The following FHIP1A variants were observed in gnomAD, a reference collection of about 807,000 sequenced individuals.
FHIP1A encodes FHF complex subunit HOOK-interacting protein 1A.
In FHIP1A, 61 loss-of-function variants were observed where a neutral mutation model predicts 88.6. That is an observed-to-expected ratio of 0.69 (90% CI 0.56 to 0.85). FHIP1A has a LOEUF of 0.85. FHIP1A is among the 40% of genes least tolerant of loss of function. The pLI is 0.00. For missense variants in FHIP1A, 1,154 were observed against 1,273.5 expected (o/e 0.91, Z 1.43); for synonymous variants, 478 against 496.0 (o/e 0.96, Z 0.48).
At chr4:151,504,468 C>T (rs1175401279) in intron 3 of FHIP1A, among the ~76,000 whole-genome samples, 3 of 152,128 alleles carry the variant, frequency 2.0e-5, no homozygotes, top group South Asian at 2.1e-4. Flanking sequence ...CAGTATATTA[C>T]TCAGGATGTT....
In FHIP1A at chr4:151,431,575, T is replaced by C. The variant is rs79699215; in HGVS notation, c.-356+22110T>C. The stretch of plus-strand genomic sequence containing the variant: ...GTGAGATAGTGCCACTTTGGGAAAT[T>C]ATTTTGCTGTGGCTTCAGGAAGTCT... On this transcript the variant is annotated intron_variant, in intron 1 of 13. Transcript: ENST00000435205. Among the ~76,000 whole-genome samples the C allele has an allele frequency of 2.0e-3, 309 of 152,248 alleles. 8 individuals carry two copies. In the East Asian group the frequency reaches 0.051, roughly 25 times the overall value.
In FHIP1A at chr4:151,586,789, C is replaced by T; in HGVS notation, c.881C>T (p.Ala294Val). 6.5e-7 allele frequency: 1 copy of T among 1,548,486 alleles called. No homozygotes were observed. The highest frequency in any genetic ancestry group is 8.7e-7 in the Non-Finnish European group (1 of 1,144,484). Reference sequence around the variant, plus strand: ...ATGAACTCCCTGGAGTTTTGCAATGCAGTCATACAGGTACCAGAGCACAAT... The same window carrying T: ...ATGAACTCCCTGGAGTTTTGCAATGTAGTCATACAGGTACCAGAGCACAAT... ...QFMNSLEFCN[A>V]VIQVAHPLIR... The change falls in exon 6 of 14, where the codon GCA (alanine) becomes GTA (valine). Residue 294 changes from alanine to valine, a missense_variant. Ala to Val is a moderately conservative substitution (Grantham distance 64). Transcript: ENST00000435205.
At chr4:151,620,556 A>G (rs758173662) in intron 7 of FHIP1A, among the ~76,000 whole-genome samples, 3 of 152,136 alleles carry the variant, frequency 2.0e-5, no homozygotes, top group Non-Finnish European at 2.9e-5. Context: ...AAAATAATAG[A>G]AGTTAGCTGA....
intron 11 of FHIP1A, among the ~76,000 whole-genome samples, chr4:151,655,240 C>T (rs1307788327): frequency 6.6e-6 from 1 of 152,164 alleles, no homozygotes; most frequent in Non-Finnish European, 1.5e-5. Flanking sequence ...AAGGGAAATG[C>T]AAAATTCTCA....
chr4:151,605,679 CATTT>C (rs1735046762), intron 7 of FHIP1A, among the ~76,000 whole-genome samples: 2 of 152,298 alleles, frequency 1.3e-5, no homozygotes, highest in South Asian at 4.1e-4. Context: ...CCGTGGAGCC[CATTT>C]GTTTTACAAG....
At chr4:151,639,888 G>T (rs1736503492) in intron 9 of FHIP1A, among the ~76,000 whole-genome samples, 1 of 152,152 alleles carries the variant, frequency 6.6e-6, no homozygotes, top group Non-Finnish European at 1.5e-5. Context: ...AATAAGGGTG[G>T]GTGGAGCTGA....
chr4:151,526,929 G>A (rs1413444202), intron 3 of FHIP1A, among the ~76,000 whole-genome samples: 1 of 150,262 alleles, frequency 6.7e-6, no homozygotes, highest in Admixed American at 6.6e-5. Context: ...GACAATGGGC[G>A]GCCGGGCAGA....
At chr4:151,415,477 C>T (rs952909550) in intron 1 of FHIP1A, among the ~76,000 whole-genome samples, 7 of 152,008 alleles carry the variant, frequency 4.6e-5, no homozygotes, top group Non-Finnish European at 1.0e-4. Flanking sequence ...CATGCCTGGC[C>T]CTATAACATG....
chr4:151,527,314 G>A (rs1213050857), intron 3 of FHIP1A, among the ~76,000 whole-genome samples: 1 of 152,214 alleles, frequency 6.6e-6, no homozygotes, highest in Non-Finnish European at 1.5e-5. Flanking sequence ...TCGCGGTTAG[G>A]AGCTGGAGAC....
At chr4:151,527,982 G>A (rs1018066485) in intron 3 of FHIP1A, among the ~76,000 whole-genome samples, 2 of 152,178 alleles carry the variant, frequency 1.3e-5, no homozygotes, top group Non-Finnish European at 2.9e-5. Context: ...AATAAAAACC[G>A]TGTAGCTCCA....
intron 1 of FHIP1A, among the ~76,000 whole-genome samples, chr4:151,426,815 C>T (rs1418043353): frequency 6.6e-6 from 1 of 152,094 alleles, no homozygotes; most frequent in Non-Finnish European, 1.5e-5. Flanking sequence ...TGTTATAAGG[C>T]TTAAGATTTT....
At chr4:151,489,206 C>T (rs1730191970) in intron 3 of FHIP1A, among the ~76,000 whole-genome samples, 1 of 152,126 alleles carries the variant, frequency 6.6e-6, no homozygotes, top group African/African-American at 2.4e-5. Context: ...TTTAACCTCA[C>T]CTAGAGCTGA....
chr4:151,649,758 A>G lies in FHIP1A; in HGVS notation c.1717A>G (p.Ser573Gly). The G allele has an allele frequency of 1.3e-6, 2 of 1,551,666 alleles. No homozygotes were observed. The highest frequency in any genetic ancestry group is 1.7e-6 in the Non-Finnish European group (2 of 1,146,962). ...TCAGCTGGCTCCCAGAAAGGACAAG[A>G]GCCAGACAGAGCTGGAATGGGATGA... ...GPQLAPRKDK[S>G]QTELEWDDSY... is the part of the protein sequence containing the mutation. The change falls in exon 11 of 14, where the codon AGC becomes GGC. Residue 573 changes from serine (S) to glycine (G), a missense_variant. Coordinates refer to ENST00000435205, the MANE Select transcript of FHIP1A (RefSeq NM_001109977.3).
intron 3 of FHIP1A, among the ~76,000 whole-genome samples, chr4:151,512,001 C>T (rs1361469352): frequency 1.3e-5 from 2 of 152,212 alleles, no homozygotes; most frequent in Admixed American, 6.5e-5. Flanking sequence ...GGTCCCTGAC[C>T]CCTGACCCCC....
intron 1 of FHIP1A, among the ~76,000 whole-genome samples, chr4:151,442,134 A>G (rs949022030): frequency 2.6e-5 from 4 of 152,152 alleles, no homozygotes; most frequent in Admixed American, 2.6e-4. Flanking sequence ...CACTGCTCAC[A>G]TTTATGCAGA....
chr4:151,556,022 G>C (rs771426337), intron 3 of FHIP1A, among the ~76,000 whole-genome samples: 5 of 152,030 alleles, frequency 3.3e-5, no homozygotes, highest in Non-Finnish European at 7.4e-5. Flanking sequence ...TTTTTGGAGA[G>C]AATAATTTTA....
intron 3 of FHIP1A, among the ~76,000 whole-genome samples, chr4:151,528,854 C>T (rs1490718954): frequency 6.6e-6 from 1 of 152,112 alleles, no homozygotes; most frequent in Non-Finnish European, 1.5e-5. Flanking sequence ...GCTGAGGCTA[C>T]AAATTGTGGC....
Position 151,422,804 on chromosome 4 carries a change from A to G in FHIP1A, c.-356+13339A>G, listed in dbSNP as rs1439926758. On this transcript the variant is annotated intron_variant, in intron 1 of 13. Coordinates refer to ENST00000435205, the MANE Select transcript of FHIP1A (RefSeq NM_001109977.3). ...CTGCCCAGCTGGAATTGGAGATACA[A>G]GCGTGGAATTGAGAAGGCTGGAATT... Among the ~76,000 whole-genome samples the G allele has an allele frequency of 2.6e-5, 4 of 152,234 alleles. No individual in the cohort carries two copies. The East Asian group carries it at 7.7e-4, about 29-fold the overall frequency.
intron 1 of FHIP1A, among the ~76,000 whole-genome samples, chr4:151,417,039 C>G (rs929881566): frequency 3.9e-5 from 6 of 152,114 alleles, no homozygotes; most frequent in African/African-American, 1.4e-4. Context: ...CCTGTCTTGG[C>G]CTCCCAAAGT....
Sources: allele counts gnomAD v4.1 joint callset (sites outside exome capture counted in the v4.1 genomes callset), GRCh38; gene constraint gnomAD v4.1.1; transcripts MANE v1.5; gene names NCBI Gene and HGNC (gene_info 2026-07-23, HGNC 2026-07-21).